Variants in CHST12 observed in about 807,000 individuals in gnomAD.
The protein encoded by CHST12 is carbohydrate sulfotransferase 12, also known as carbohydrate (chondroitin 4) sulfotransferase 12.
Under a neutral mutation model 27.9 loss-of-function variants are expected in CHST12, and 23 were observed. The observed-to-expected ratio is 0.82, with a 90% CI of 0.59 to 1.17. The LOEUF is 1.17. Among genes scored for constraint, CHST12 ranks in the 50% most tolerant of loss-of-function variants. CHST12 has a pLI of 0.00. For missense variants in CHST12, 682 were observed against 603.0 expected (o/e 1.13, Z -1.37); for synonymous variants, 322 against 273.0 (o/e 1.18, Z -1.77).
chr7:2,432,450 C>T, intron 1 of CHST12, 113 bp from the exon 2 acceptor site: 1 of 645,796 alleles, frequency 1.5e-6, no homozygotes, highest in Non-Finnish European at 2.6e-6. Context: ...GAGCTGATAT[C>T]ACGTGGCCCA....
At chr7:2,417,380 T>C (rs867475282) in intron 1 of CHST12, among the ~76,000 whole-genome samples, 1 of 149,460 alleles carries the variant, frequency 6.7e-6, no homozygotes, top group South Asian at 2.1e-4. Context: ...TGCGCCACCA[T>C]GTCTGACTTT....
rs978530111 is a variant in CHST12, at chr7:2,440,186, C to G, written c.*6302C>G. On this transcript the variant is annotated 3_prime_UTR_variant, in exon 2 of 2. Coordinates refer to ENST00000618655, the MANE Select transcript of CHST12 (RefSeq NM_018641.5). Reference sequence around the variant, plus strand: ...GGCTGTCATGGTGCCATCTGGAGAGCATTTGCTCACTGTAATGGTCCCGTC... The same window carrying G: ...GGCTGTCATGGTGCCATCTGGAGAGGATTTGCTCACTGTAATGGTCCCGTC... The G allele has an allele frequency of 6.5e-6, 1 of 154,170 alleles. No individual in the cohort carries two copies. The highest frequency in any genetic ancestry group is 2.4e-5 in the African/African-American group (1 of 41,524). 9.6% of individuals were successfully genotyped at this position (154,170 alleles called of 1,614,324 possible).
chr7:2,416,666 T>C (rs930485693), intron 1 of CHST12, among the ~76,000 whole-genome samples: 2 of 152,170 alleles, frequency 1.3e-5, no homozygotes, highest in Non-Finnish European at 2.9e-5. Context: ...ACACAAGTCA[T>C]TGTAGGATCT....
chr7:2,412,382 G>A (rs773453296), intron 1 of CHST12, among the ~76,000 whole-genome samples: 6 of 152,158 alleles, frequency 3.9e-5, no homozygotes, highest in Non-Finnish European at 8.8e-5. Context: ...CCACATTTTT[G>A]TTGACTACAG....
chr7:2,408,863 A>G (rs1781593163), intron 1 of CHST12, among the ~76,000 whole-genome samples: 1 of 152,238 alleles, frequency 6.6e-6, no homozygotes, highest in Non-Finnish European at 1.5e-5. Context: ...GCTGGTGTGA[A>G]GAGCAGACAT....
intron 1 of CHST12, among the ~76,000 whole-genome samples, chr7:2,426,003 G>A (rs1034330199): frequency 6.6e-6 from 1 of 152,042 alleles, no homozygotes; most frequent in African/African-American, 2.4e-5. Context: ...GAGACAGGCT[G>A]GGGACGACGG....
At chr7:2,415,011 A>C (rs1781767606) in intron 1 of CHST12, among the ~76,000 whole-genome samples, 1 of 152,216 alleles carries the variant, frequency 6.6e-6, no homozygotes, top group Non-Finnish European at 1.5e-5. Context: ...GGACCACCAC[A>C]ATCAAGTGAA....
At position 2,438,846 on chromosome 7, in the gene CHST12, T is replaced by G. The variant is rs1234843481; in HGVS notation, c.*4962T>G. 1 of 146,952 alleles carries G rather than the reference T, an allele frequency of 6.8e-6. No homozygotes were observed. The highest frequency in any genetic ancestry group is 1.5e-5 in the Non-Finnish European group (1 of 68,078). The allele number at this position is 146,952 out of a possible 1,614,324, so 9.1% of individuals were successfully genotyped here. ...CTGAGCCATTGTGTCCCATGGTTGA[T>G]ACGGGACGGGGCTGATTTCCTGACC... On this transcript the variant is annotated 3_prime_UTR_variant, in exon 2 of 2. Coordinates refer to ENST00000618655, the MANE Select transcript of CHST12 (RefSeq NM_018641.5).
chr7:2,433,083 C>A lies in CHST12; in HGVS notation c.444C>A (p.Asp148Glu). ...AFPTKERAFD[D>E]IPNSELSHLI... ...CCACCAAGGAGCGCGCATTCGACGA[C>A]ATCCCCAACTCGGAGCTGAGCCACC... Residue 148 changes from aspartate (D) to glutamate (E), a missense_variant, in exon 2 of 2, where the codon GAC becomes GAA. Asp to Glu is a conservative substitution (Grantham distance 45). Transcript: ENST00000618655. The surrounding 1 kb of genome is among the most constrained non-coding windows in gnomAD (Gnocchi z 6.1). 1 of 1,612,570 alleles carries A rather than the reference C, an allele frequency of 6.2e-7. No homozygotes were observed. Among genetic ancestry groups the A allele is most frequent in the Non-Finnish European group, 8.5e-7 (1 of 1,179,684 alleles).
intron 1 of CHST12, among the ~76,000 whole-genome samples, chr7:2,430,029 C>T (rs1369541348): frequency 6.6e-6 from 1 of 152,068 alleles, no homozygotes. Context: ...GAGACCCTCT[C>T]GCCTCGGCTT....
At chr7:2,429,829 C>A (rs998166775) in intron 1 of CHST12, among the ~76,000 whole-genome samples, 20 of 152,028 alleles carry the variant, frequency 1.3e-4, no homozygotes, top group African/African-American at 4.8e-4. Flanking sequence ...AAGACCAAGG[C>A]TGGAGGGCAG....
chr7:2,428,608 G>A (rs1242231629), intron 1 of CHST12, among the ~76,000 whole-genome samples: 1 of 152,052 alleles, frequency 6.6e-6, no homozygotes, highest in African/African-American at 2.4e-5. Context: ...GGGATTTAGG[G>A]TCATTTGATT....
At position 2,433,977 on chromosome 7, in the gene CHST12, T is replaced by C. The variant is rs1264729174; in HGVS notation, c.*93T>C. The C allele has an allele frequency of 4.9e-6, 5 of 1,016,990 alleles. No individual in the cohort carries two copies. The highest frequency in any genetic ancestry group is 5.9e-6 in the Non-Finnish European group (4 of 681,588). 63.0% of individuals were successfully genotyped at this position (1,016,990 alleles called of 1,614,324 possible). On this transcript the variant is annotated 3_prime_UTR_variant, in exon 2 of 2. Coordinates refer to ENST00000618655, the MANE Select transcript of CHST12 (RefSeq NM_018641.5). This position sits in a 1 kb window ranked among gnomAD's most constrained non-coding sequence, Gnocchi z 6.1. The stretch of plus-strand genomic sequence containing the variant: ...CCTACGATTTTGCAATCTGGGCTTC[T>C]TGTTCACTCCACTGCCTCTATCCAT...
Position 2,435,869 on chromosome 7 carries a change from C to T in CHST12, c.*1985C>T, listed in dbSNP as rs766788758. ...TCGCTCTGTCATCCGGGCTGGAATA[C>T]ACTGGTGCAATCACAGCTCACTGCA... On this transcript the variant is annotated 3_prime_UTR_variant, in exon 2 of 2. Coordinates refer to ENST00000618655, the MANE Select transcript of CHST12 (RefSeq NM_018641.5). 6.6e-6 allele frequency: 1 copy of T among 152,346 alleles called. No homozygotes were observed. Among genetic ancestry groups the T allele is most frequent in the Non-Finnish European group, 1.5e-5 (1 of 68,132 alleles). 9.4% of individuals were successfully genotyped at this position (152,346 alleles called of 1,614,324 possible). A position where few individuals can be genotyped will look rare whatever the true frequency, so the allele number is the denominator to read the frequency against.
At position 2,441,704 on chromosome 7, in the gene CHST12, A is replaced by C. The variant is rs1011384205; in HGVS notation, c.*7820A>C. 4.6e-5 allele frequency: 7 copies of C among 151,840 alleles called. No individual in the cohort carries two copies. Among genetic ancestry groups the C allele is most frequent in the African/African-American group, 1.7e-4 (7 of 41,326 alleles). The allele number at this position is 151,840 out of a possible 1,614,324, so 9.4% of individuals were successfully genotyped here. A position where few individuals can be genotyped will look rare whatever the true frequency, so the allele number is the denominator to read the frequency against. The stretch of plus-strand genomic sequence containing the variant: ...CAAGATCTTGTCTTAAAAAAAAAAA[A>C]AAAAAAAAAGGTGTTGTATTTTATC... On this transcript the variant is annotated 3_prime_UTR_variant, in exon 2 of 2. Coordinates refer to ENST00000618655, the MANE Select transcript of CHST12 (RefSeq NM_018641.5).
chr7:2,434,036 A>G lies in CHST12; in HGVS notation c.*152A>G. The G allele has an allele frequency of 1.7e-6, 1 of 584,108 alleles. No individual in the cohort carries two copies. Among genetic ancestry groups the G allele is most frequent in the South Asian group, 3.2e-5 (1 of 31,106 alleles). The allele number at this position is 584,108 out of a possible 1,614,324, so 36.2% of individuals were successfully genotyped here. A position where few individuals can be genotyped will look rare whatever the true frequency, so the allele number is the denominator to read the frequency against. On this transcript the variant is annotated 3_prime_UTR_variant, in exon 2 of 2. Coordinates refer to ENST00000618655, the MANE Select transcript of CHST12 (RefSeq NM_018641.5). ...GTATCGATATTGTTTTTTAAGATTA[A>G]TATATTTCAGGTATTTAATACGAAA...
rs1311317125 is a variant in CHST12, at chr7:2,440,704, C to G, written c.*6820C>G. 1 of 152,226 alleles carries G rather than the reference C, an allele frequency of 6.6e-6. No homozygotes were observed. The highest frequency in any genetic ancestry group is 1.5e-5 in the Non-Finnish European group (1 of 68,062). The allele number at this position is 152,226 out of a possible 1,614,324, so 9.4% of individuals were successfully genotyped here. A position where few individuals can be genotyped will look rare whatever the true frequency, so the allele number is the denominator to read the frequency against. On this transcript the variant is annotated 3_prime_UTR_variant, in exon 2 of 2. Transcript: ENST00000618655. ...TATCTTAGTTAGGAATTCACCTTCA[C>G]ACTTCCAGAAACTGCCAAGAAGAAT...
At chr7:2,408,712 A>G (rs1401509589) in intron 1 of CHST12, among the ~76,000 whole-genome samples, 1 of 152,160 alleles carries the variant, frequency 6.6e-6, no homozygotes, top group Non-Finnish European at 1.5e-5. Flanking sequence ...TTTGTTCCTC[A>G]TGCTTTAAGG....
intron 1 of CHST12, among the ~76,000 whole-genome samples, chr7:2,416,293 C>T (rs1209672593): frequency 6.6e-6 from 1 of 152,232 alleles, no homozygotes; most frequent in African/African-American, 2.4e-5. Context: ...TCCACCACAT[C>T]TGCTGTTACT....
Sources: gnomAD v4.1 joint callset for allele counts (sites outside exome capture counted in the v4.1 genomes callset) on GRCh38, gnomAD v4.1.1 for gene constraint, Gnocchi (gnomAD v3.1) non-coding constraint, MANE v1.5 for transcripts, NCBI Gene and HGNC (gene_info 2026-07-23, HGNC 2026-07-21) for gene names.